CCDC171: variants seen among roughly 807,000 people sequenced by gnomAD.
CCDC171 encodes the protein coiled-coil domain-containing protein 171.
In CCDC171, 177 loss-of-function variants were observed where a neutral mutation model predicts 168.2. The ratio of observed to expected loss-of-function variants is 1.05; its 90% confidence interval spans 0.93 to 1.19. The LOEUF is 1.19. Ranked by LOEUF, CCDC171 falls within the 50% of genes most tolerant of loss-of-function variation. The pLI is 0.00. For missense variants in CCDC171, 1,991 were observed against 1,539.0 expected, an observed-to-expected ratio of 1.29 and a Z score of -4.91; for synonymous variants, 687 against 540.8, an observed-to-expected ratio of 1.27 and a Z score of -3.75.
intron 10 of CCDC171, among the ~76,000 whole-genome samples, chr9:15,682,221 G>T (rs534735615): frequency 6.6e-6 from 1 of 152,040 alleles, no homozygotes; most frequent in Non-Finnish European, 1.5e-5. Flanking sequence ...TGTTAGTACA[G>T]CATAGCCTTA....
intron 3 of CCDC171, among the ~76,000 whole-genome samples, chr9:16,011,705 G>T (rs568707825): frequency 6.6e-6 from 1 of 152,268 alleles, no homozygotes; most frequent in East Asian, 1.9e-4. Context: ...TTTGCACTAG[G>T]ACTGGTTTAG....
At chr9:15,609,960 A>G (rs1326906356) in intron 6 of CCDC171, among the ~76,000 whole-genome samples, 1 of 151,664 alleles carries the variant, frequency 6.6e-6, no homozygotes, top group Non-Finnish European at 1.5e-5. Context: ...TATCTCTTCT[A>G]TTTTCCATCT....
At chr9:15,914,683 A>C (rs903684267) in intron 24 of CCDC171, among the ~76,000 whole-genome samples, 25 of 77,064 alleles carry the variant, frequency 3.2e-4, no homozygotes, top group African/African-American at 7.9e-4. Flanking sequence ...GTTCCAGGTG[A>C]CAATGGGGTA....
Position 15,972,941 on chromosome 9 carries a change from G to T in CCDC171, c.*1105G>T, listed in dbSNP as rs1831483136. 3 of 152,116 alleles carry T rather than the reference G, an allele frequency of 2.0e-5. No individual in the cohort carries two copies. In the South Asian group the frequency reaches 6.2e-4, roughly 32 times the overall value. 9.4% of individuals were successfully genotyped at this position (152,116 alleles called of 1,614,324 possible). ...GAAGGAGCTGAGTTCTAACCACAAA[G>T]AGGTTTCTGGTAACTTACTTGACAA... On this transcript the variant is annotated 3_prime_UTR_variant, in exon 26 of 26. Coordinates refer to ENST00000380701, the MANE Select transcript of CCDC171 (RefSeq NM_173550.4).
At chr9:16,047,898 C>T (rs1351823543) in intron 1 of CCDC171, among the ~76,000 whole-genome samples, 3 of 152,218 alleles carry the variant, frequency 2.0e-5, no homozygotes, top group Admixed American at 2.0e-4. Context: ...TAAGGGGACA[C>T]TCATGGAAGA....
chr9:15,721,979 A>C, intron 12 of CCDC171, 104 bp downstream of exon 12: 1 of 448,542 alleles, frequency 2.2e-6, no homozygotes, highest in Non-Finnish European at 4.0e-6. Flanking sequence ...TGTTGAACTG[A>C]CAGCTTCACA....
chr9:16,007,480 T>A (rs1231047531), intron 3 of CCDC171, among the ~76,000 whole-genome samples: 1 of 152,240 alleles, frequency 6.6e-6, no homozygotes, highest in Non-Finnish European at 1.5e-5. Flanking sequence ...CCATTGCTTT[T>A]GGTGTTTTAG....
chr9:15,691,546 T>TTATA (rs55892512), intron 10 of CCDC171, among the ~76,000 whole-genome samples: 2,091 of 106,414 alleles, frequency 0.02, 64 homozygotes, highest in Non-Finnish European at 0.025. Flanking sequence ...TATATGTTTT[T>TTATA]TATATATATA....
intron 23 of CCDC171, among the ~76,000 whole-genome samples, chr9:15,857,983 ATATATATG>A (rs1285624268): frequency 4.6e-5 from 7 of 151,838 alleles, no homozygotes; most frequent in Non-Finnish European, 5.9e-5. Context: ...GTAGATGTGT[ATATATATG>A]TATATATGTA....
chr9:15,642,168 A>G (rs1330348722), intron 7 of CCDC171, among the ~76,000 whole-genome samples: 1 of 151,248 alleles, frequency 6.6e-6, no homozygotes, highest in Admixed American at 6.6e-5. Flanking sequence ...CTCAAAAACA[A>G]AAAAAAAGGA....
At chr9:15,602,647 C>CTTTTTT (rs1161286304) in intron 6 of CCDC171, among the ~76,000 whole-genome samples, 8 of 30,466 alleles carry the variant, frequency 2.6e-4, no homozygotes, top group African/African-American at 6.2e-4. Flanking sequence ...TTTTTTTTTT[C>CTTTTTT]TTTTTTTTTT....
intron 23 of CCDC171, among the ~76,000 whole-genome samples, chr9:15,872,760 G>A (rs1001605595): frequency 6.6e-6 from 1 of 151,808 alleles, no homozygotes; most frequent in Non-Finnish European, 1.5e-5. Context: ...AGGGTAGAAG[G>A]CAAAACACTA....
chr9:16,050,107 G>A (rs999239596), intron 1 of CCDC171, among the ~76,000 whole-genome samples: 1 of 152,050 alleles, frequency 6.6e-6, no homozygotes, highest in Non-Finnish European at 1.5e-5. Flanking sequence ...GGCTGGTCTC[G>A]ATCTCCTGAC....
chr9:15,674,244 C>T (rs2049347390), intron 9 of CCDC171, among the ~76,000 whole-genome samples: 1 of 151,922 alleles, frequency 6.6e-6, no homozygotes, highest in Non-Finnish European at 1.5e-5. Context: ...TTTGATTCTT[C>T]TCTCTTTTCT....
chr9:15,623,406 A>T lies in CCDC171; in HGVS notation c.815A>T (p.Glu272Val). 6.3e-7 allele frequency: 1 copy of T among 1,599,108 alleles called. No homozygotes were observed. The highest frequency in any genetic ancestry group is 8.5e-7 in the Non-Finnish European group (1 of 1,171,698). Residue 272 changes from glutamate to valine, a missense_variant, in exon 7 of 26, where the codon GAA (glutamate) becomes GTA (valine). By Grantham distance (121) the Glu-to-Val change is moderately radical. Transcript: ENST00000380701. ...CAACGAGAGGAACGCCTTAGAAAAGAATTTGAGGTACATTTTCTCATTCCT... is the reference window on the plus strand; with the variant it reads ...CAACGAGAGGAACGCCTTAGAAAAGTATTTGAGGTACATTTTCTCATTCCT... ...STQREERLRKEFEATTLRVRK... is the reference protein window; with the variant it reads ...STQREERLRKVFEATTLRVRK...
At chr9:15,741,387 A>G (rs1214300210) in intron 16 of CCDC171, among the ~76,000 whole-genome samples, 2 of 152,188 alleles carry the variant, frequency 1.3e-5, no homozygotes, top group Non-Finnish European at 1.5e-5. Context: ...AGTCATACAA[A>G]TGTGGCCTTT....
chr9:15,834,893 T>C (rs767008123), intron 21 of CCDC171, among the ~76,000 whole-genome samples: 3 of 152,196 alleles, frequency 2.0e-5, no homozygotes, highest in African/African-American at 7.2e-5. Flanking sequence ...AAAATCAGAG[T>C]ATCAAAGCAA....
chr9:15,925,711 G>A (rs1442931919), intron 25 of CCDC171, among the ~76,000 whole-genome samples: 1 of 151,564 alleles, frequency 6.6e-6, no homozygotes, highest in African/African-American at 2.4e-5. Context: ...GGGGAATATT[G>A]TGAATGTAGT....
At chr9:15,728,644 C>G (rs1462448540) in intron 15 of CCDC171, among the ~76,000 whole-genome samples, 1 of 152,070 alleles carries the variant, frequency 6.6e-6, no homozygotes, top group South Asian at 2.1e-4. Flanking sequence ...AAATCAGTCT[C>G]CAACAAATGT....
Sources: gnomAD v4.1 joint callset for allele counts (sites outside exome capture counted in the v4.1 genomes callset) on GRCh38, gnomAD v4.1.1 for gene constraint, MANE v1.5 for transcripts, NCBI Gene and HGNC (gene_info 2026-07-23, HGNC 2026-07-21) for gene names.